Variants in ZER1 observed in about 807,000 individuals in gnomAD.
The protein encoded by ZER1 is zyg-11 related cell cycle regulator.
Under a neutral mutation model 78.8 loss-of-function variants are expected in ZER1, and 11 were observed. The ratio of observed to expected loss-of-function variants is 0.14; its 90% CI spans 0.09 to 0.23. ZER1 has a LOEUF of 0.23. ZER1 is among the 10% of genes least tolerant of loss of function. The probability of loss-of-function intolerance (pLI) is 1.00; values close to 1 mark genes in which losing one functional copy is unlikely to be tolerated. For missense variants in ZER1, 588 were observed against 996.9 expected (o/e 0.59, Z 5.52); for synonymous variants, 400 against 407.0 (o/e 0.98, Z 0.21).
At position 128,759,089 on chromosome 9, in the gene ZER1, C is replaced by T. The variant is rs146060964; in HGVS notation, c.-94-3430G>A. ...TCGGCTCACTGCAACCTCCACCTCCCGGGTTCAAGTCATTCTCCTGCCTCA... is the reference window on the plus strand; with the variant it reads ...TCGGCTCACTGCAACCTCCACCTCCTGGGTTCAAGTCATTCTCCTGCCTCA... On this transcript the variant is annotated intron_variant, in intron 1 of 15. Coordinates refer to ENST00000291900, the MANE Select transcript of ZER1 (RefSeq NM_006336.4). Among the ~76,000 whole-genome samples the T allele has an allele frequency of 7.1e-3, 1,084 of 151,822 alleles. 16 individuals are homozygous for T. Among genetic ancestry groups the T allele is most frequent in the African/African-American group, 0.02 (841 of 41,402 alleles).
At position 128,751,384 on chromosome 9, in the gene ZER1, C is replaced by T. The variant is rs1468478594; in HGVS notation, c.1038+29G>A. 2.5e-6 allele frequency: 4 copies of T among 1,613,718 alleles called. No individual in the cohort carries two copies. In the African/African-American group the frequency reaches 5.3e-5, roughly 22 times the overall value. ...CCTTCTCTCTCCCAAGGCTCCCTGG[C>T]CCAGACCCATCCCACTTCCACTGCT... On this transcript the variant is annotated intron_variant, in intron 6 of 15. Coordinates refer to ENST00000291900, the MANE Select transcript of ZER1 (RefSeq NM_006336.4). The surrounding 1 kb of genome is among the most constrained non-coding windows in gnomAD (Gnocchi z 5.4).
intron 8 of ZER1, among the ~76,000 whole-genome samples, chr9:128,748,672 A>T (rs1863578221): frequency 6.6e-6 from 1 of 151,742 alleles, no homozygotes; most frequent in South Asian, 2.1e-4. Flanking sequence ...CCTGGGTTCC[A>T]GCAATTCTCC....
At chr9:128,771,514 G>A (rs1864382588) in intron 1 of ZER1, 67 bp downstream of exon 1, 2 of 152,478 alleles carry the variant, frequency 1.3e-5, no homozygotes, top group Admixed American at 1.3e-4. Flanking sequence ...CGATGCTTAG[G>A]CCCCGTAGGC....
intron 1 of ZER1, among the ~76,000 whole-genome samples, chr9:128,758,131 T>G (rs929943857): frequency 6.6e-6 from 1 of 151,110 alleles, no homozygotes; most frequent in African/African-American, 2.4e-5. Context: ...GTTTTTTTTT[T>G]TTTTTTGAGA....
chr9:128,760,898 G>A (rs1481611815), intron 1 of ZER1, among the ~76,000 whole-genome samples: 3 of 151,738 alleles, frequency 2.0e-5, no homozygotes, highest in Admixed American at 6.6e-5. Context: ...GGTGGCTCAC[G>A]CCTGTAATCC....
At position 128,731,291 on chromosome 9, in the gene ZER1, C is replaced by T; in HGVS notation, c.*46G>A. ...GCTGGGCTGCTTGAGCATGCTTCCTCCCCGCCTGTGGTCCAGAGCGGTGGC... is the reference window on the plus strand; with the variant it reads ...GCTGGGCTGCTTGAGCATGCTTCCTTCCCGCCTGTGGTCCAGAGCGGTGGC... On this transcript the variant is annotated 3_prime_UTR_variant, in exon 16 of 16. Transcript: ENST00000291900. The T allele has an allele frequency of 3.7e-6, 6 of 1,600,750 alleles. No homozygotes were observed. Among genetic ancestry groups the T allele is most frequent in the Non-Finnish European group, 5.1e-6 (6 of 1,170,836 alleles).
rs781518377 is a variant in ZER1, at chr9:128,752,783, C to T, written c.813G>A (p.Leu271=). Residue 271 remains leucine (L), a synonymous_variant, in exon 5 of 16, where the codon CTG becomes CTA. Transcript: ENST00000291900. ...YYKFKLTREV[L]SLFVQKLGNL... ...TCCCCAGCTTCTGCACAAAGAGGCT[C>T]AGCACCTCCCGAGTCAGCTTGAACT... 3 of 1,614,086 alleles carry T rather than the reference C, an allele frequency of 1.9e-6. No homozygotes were observed. Among genetic ancestry groups the T allele is most frequent in the Admixed American group, 3.3e-5 (2 of 60,000 alleles).
In ZER1 at chr9:128,752,757, T is replaced by C. The variant is rs1863721292; in HGVS notation, c.839A>G (p.Asn280Ser). 1.9e-6 allele frequency: 3 copies of C among 1,614,054 alleles called. No individual in the cohort carries two copies. Among genetic ancestry groups the C allele is most frequent in the Non-Finnish European group, 2.5e-6 (3 of 1,180,030 alleles). The part of the protein sequence containing the change: ...VLSLFVQKLG[N>S]LMSLDISGHM... The stretch of plus-strand genomic sequence containing the variant: ...GCCAGAGATGTCCAGGGACATTAGG[T>C]TCCCCAGCTTCTGCACAAAGAGGCT... Residue 280 changes from asparagine to serine, a missense_variant, in exon 5 of 16, where the codon AAC becomes AGC. Transcript: ENST00000291900.
intron 1 of ZER1, among the ~76,000 whole-genome samples, chr9:128,756,623 G>A (rs1863867800): frequency 6.6e-6 from 1 of 152,168 alleles, no homozygotes; most frequent in African/African-American, 2.4e-5. Context: ...TATGTTGAGT[G>A]AAAGAAATCA....
In ZER1 at chr9:128,731,108, G is replaced by A; in HGVS notation, c.*229C>T. On this transcript the variant is annotated 3_prime_UTR_variant, in exon 16 of 16. Transcript: ENST00000291900. ...GGAGTGTTGCTTTTGTTTTTGCACA[G>A]AAATCATACACACAAAACTTCACAC... 1 of 202,884 alleles carries A rather than the reference G, an allele frequency of 4.9e-6. No homozygotes were observed. Among genetic ancestry groups the A allele is most frequent in the East Asian group, 1.1e-4 (1 of 9,106 alleles). 12.6% of individuals were successfully genotyped at this position (202,884 alleles called of 1,614,324 possible).
intron 1 of ZER1, among the ~76,000 whole-genome samples, chr9:128,765,536 G>C (rs990349872): frequency 4.6e-5 from 7 of 152,202 alleles, no homozygotes; most frequent in Non-Finnish European, 7.3e-5. Flanking sequence ...AACAATGGGA[G>C]GGAAAGAGAA....
intron 9 of ZER1, 80 bp downstream of exon 9, chr9:128,742,450 C>T (rs1195851174): frequency 6.5e-7 from 1 of 1,547,842 alleles, no homozygotes; most frequent in African/African-American, 1.4e-5. Context: ...AGGCCCTGCT[C>T]TGAGACTCTC....
At chr9:128,763,950 G>A (rs977759782) in intron 1 of ZER1, among the ~76,000 whole-genome samples, 1 of 151,506 alleles carries the variant, frequency 6.6e-6, no homozygotes, top group African/African-American at 2.4e-5. Flanking sequence ...TCACACCATT[G>A]CACTCTAGCC....
At chr9:128,757,350 C>A (rs1213399881) in intron 1 of ZER1, among the ~76,000 whole-genome samples, 1 of 151,980 alleles carries the variant, frequency 6.6e-6, no homozygotes, top group Non-Finnish European at 1.5e-5. Flanking sequence ...GAAACCCTGT[C>A]TCTACAAAAA....
In ZER1 at chr9:128,751,885, TA is replaced by T. The variant is rs1403041346; in HGVS notation, c.924-359del. Among the ~76,000 whole-genome samples the T allele has an allele frequency of 6.6e-6, 1 of 152,196 alleles. No individual in the cohort carries two copies. The highest frequency in any genetic ancestry group is 1.5e-5 in the Non-Finnish European group (1 of 68,030). ...CTTATGGGTGGCCAGTTACAGCTGG[TA>T]GGGTTTGGTCAAACTTCTCAACCAA... On this transcript the variant is annotated intron_variant, in intron 5 of 15. Transcript: ENST00000291900. The surrounding 1 kb of genome is among the most constrained non-coding windows in gnomAD (Gnocchi z 5.4).
At chr9:128,735,129 G>A (rs1029185000) in intron 14 of ZER1, among the ~76,000 whole-genome samples, 5 of 152,196 alleles carry the variant, frequency 3.3e-5, no homozygotes, top group African/African-American at 9.7e-5. Context: ...CAGGTATTTC[G>A]CCTGCCAGGC....
chr9:128,756,238 G>A (rs1156543376), intron 1 of ZER1, among the ~76,000 whole-genome samples: 1 of 152,228 alleles, frequency 6.6e-6, no homozygotes, highest in East Asian at 1.9e-4. Flanking sequence ...ACAAGGTCAG[G>A]AGATGGAGAC....
intron 1 of ZER1, among the ~76,000 whole-genome samples, chr9:128,763,855 C>T (rs937533078): frequency 3.9e-5 from 6 of 152,152 alleles, no homozygotes; most frequent in African/African-American, 1.2e-4. Flanking sequence ...GGGCTGGTGG[C>T]GCACGCCTGT....
At chr9:128,763,334 C>A (rs893712354) in intron 1 of ZER1, among the ~76,000 whole-genome samples, 2 of 152,200 alleles carry the variant, frequency 1.3e-5, no homozygotes. Flanking sequence ...TGAGTCCCCC[C>A]ACAGGCCCGA....
Sources: gnomAD v4.1 joint callset for allele counts (sites outside exome capture counted in the v4.1 genomes callset) on GRCh38, gnomAD v4.1.1 for gene constraint, Gnocchi (gnomAD v3.1) non-coding constraint, MANE v1.5 for transcripts, NCBI Gene and HGNC (gene_info 2026-07-23, HGNC 2026-07-21) for gene names.